Variants in IPP observed in about 807,000 individuals in gnomAD.
The protein encoded by IPP is actin-binding protein IPP.
Under a neutral mutation model 64.1 loss-of-function variants are expected in IPP, and 41 were observed. The ratio of observed to expected loss-of-function variants is 0.64; its 90% confidence interval spans 0.50 to 0.83. IPP has a LOEUF of 0.83. Among genes scored for constraint, IPP ranks in the 40% least tolerant of loss-of-function variants. The pLI is 0.00. For synonymous variants in IPP, 214 were observed against 235.2 expected (o/e 0.91, Z 0.83); for missense variants, 649 against 703.0 (o/e 0.92, Z 0.87).
chr1:45,738,894 T>A (rs558418794), intron 3 of IPP, among the ~76,000 whole-genome samples: 8 of 142,764 alleles, frequency 5.6e-5, no homozygotes, highest in African/African-American at 2.1e-4. Flanking sequence ...AAAACAAGGC[T>A]CTATTGACTA....
Position 45,700,165 on chromosome 1 carries a change from A to G in IPP, c.1556T>C (p.Met519Thr), listed in dbSNP as rs1335165719. 1.2e-5 allele frequency: 19 copies of G among 1,613,462 alleles called. No individual in the cohort carries two copies. Among genetic ancestry groups the G allele is most frequent in the Admixed American group, 1.7e-5 (1 of 59,862 alleles). ...EEEKWVEVAS[M>T]KVPRAGMCVV... ...ACACATGCCTGCTCTAGGCACTTTC[A>G]TTGAGGCAACTTCAACCCACTTTTC... The change falls in exon 9 of 9, where the codon ATG becomes ACG. Residue 519 changes from methionine (M) to threonine (T), a missense_variant. By Grantham distance (81) the Met-to-Thr change is moderately conservative. Transcript: ENST00000396478.
chr1:45,695,746 C>T (rs575686073), downstream of IPP, among the ~76,000 whole-genome samples: 28 of 152,004 alleles, frequency 1.8e-4, no homozygotes, highest in East Asian at 4.3e-3. Context: ...CTCGGCTCAC[C>T]GCAACCTCCG....
At chr1:45,725,571 AC>A (rs1464282990) in intron 5 of IPP, among the ~76,000 whole-genome samples, 12 of 132,866 alleles carry the variant, frequency 9.0e-5, no homozygotes, top group African/African-American at 3.0e-4. Flanking sequence ...CCCGGCCACG[AC>A]CCCGTCTGGG....
At chr1:45,737,820 C>T (rs1425582401) in intron 3 of IPP, among the ~76,000 whole-genome samples, 1 of 152,110 alleles carries the variant, frequency 6.6e-6, no homozygotes, top group Non-Finnish European at 1.5e-5. Context: ...CACTGTAACA[C>T]AATGCCTAGG....
At chr1:45,708,519 T>C (rs1272650770) in intron 8 of IPP, among the ~76,000 whole-genome samples, 1 of 135,528 alleles carries the variant, frequency 7.4e-6, no homozygotes, top group Non-Finnish European at 1.6e-5. Context: ...TCTTTAGGAA[T>C]AACACAAAAA....
intron 8 of IPP, among the ~76,000 whole-genome samples, chr1:45,706,657 GC>G (rs1274625306): frequency 6.6e-6 from 1 of 152,158 alleles, no homozygotes; most frequent in East Asian, 1.9e-4. Context: ...CACCATGTTG[GC>G]CAGGCTGATC....
At chr1:45,732,607 CAAA>C (rs1486125545) in intron 3 of IPP, among the ~76,000 whole-genome samples, 1 of 151,872 alleles carries the variant, frequency 6.6e-6, no homozygotes, top group Non-Finnish European at 1.5e-5. Context: ...ATATGAATGA[CAAA>C]GAAGTTCCAA....
intron 3 of IPP, among the ~76,000 whole-genome samples, chr1:45,738,850 A>AAACAAAAAAAAAAAAAAAAAAAAAAAAC (rs768638228): frequency 7.2e-6 from 1 of 139,130 alleles, no homozygotes; most frequent in Non-Finnish European, 1.5e-5. Context: ...AAAAAAAAAA[A>AAACAAAAAAAAAAAAAAAAAAAAAAAAC]AAAAAAAAAA....
Position 45,699,508 on chromosome 1 carries a change from A to G in IPP, c.*458T>C. On this transcript the variant is annotated 3_prime_UTR_variant, in exon 9 of 9. Transcript: ENST00000396478. ...TAGTAAATAATTTCTACAAATTTGT[A>G]AAATAGGAGTTGTCTACACTTAAAC... 18 of 988,036 alleles carry G rather than the reference A, an allele frequency of 1.8e-5. No homozygotes were observed. Among genetic ancestry groups the G allele is most frequent in the Non-Finnish European group, 2.0e-5 (17 of 831,506 alleles). The allele number at this position is 988,036 out of a possible 1,614,324, so 61.2% of individuals were successfully genotyped here.
rs1397351932 is a variant in IPP at position 45,727,773 on chromosome 1, A to AC, written c.905dup (p.Arg303SerfsTer4). The AC allele has an allele frequency of 3.8e-6, 6 of 1,564,982 alleles. No homozygotes were observed. The highest frequency in any genetic ancestry group is 2.3e-5 in the East Asian group (1 of 44,158). ...TGAGGGCTCTGCTATCACTCCAGCGACCCCCCTGCAACCGAGTATATCCAC... is the reference window on the plus strand; with the variant it reads ...TGAGGGCTCTGCTATCACTCCAGCGACCCCCCCTGCAACCGAGTATATCCAC... On this transcript the variant is annotated frameshift_variant, in exon 5 of 9. Coordinates refer to ENST00000396478, the MANE Select transcript of IPP (RefSeq NM_005897.3). LOFTEE classifies it high-confidence loss of function.
chr1:45,721,262 C>A (rs888922219), intron 5 of IPP, among the ~76,000 whole-genome samples: 2 of 152,146 alleles, frequency 1.3e-5, no homozygotes, highest in South Asian at 2.1e-4. Context: ...CAAAATTTTC[C>A]CAAAATGGTA....
chr1:45,750,491 A>G (rs1352820061), intron 1 of IPP, 106 bp downstream of exon 1: 1 of 152,478 alleles, frequency 6.6e-6, no homozygotes, highest in East Asian at 1.9e-4. Context: ...ACACAGTTCT[A>G]GAGGCTTCTC....
At chr1:45,707,678 A>G (rs1645529574) in intron 8 of IPP, among the ~76,000 whole-genome samples, 1 of 152,190 alleles carries the variant, frequency 6.6e-6, no homozygotes, top group Admixed American at 6.6e-5. Context: ...ACTGAAGCAT[A>G]GAGAGAAAAG....
chr1:45,740,304 T>C (rs1240037468), intron 3 of IPP, among the ~76,000 whole-genome samples: 2 of 152,210 alleles, frequency 1.3e-5, no homozygotes, highest in Non-Finnish European at 2.9e-5. Flanking sequence ...AAACCGCCAT[T>C]GTCATCATGG....
intron 6 of IPP, among the ~76,000 whole-genome samples, chr1:45,718,907 A>C (rs1569985753): frequency 1.3e-5 from 2 of 151,926 alleles, no homozygotes. Context: ...GAATACAAAA[A>C]AAAAAAAAAA....
At chr1:45,706,377 G>A (rs1200923756) in intron 8 of IPP, among the ~76,000 whole-genome samples, 1 of 152,100 alleles carries the variant, frequency 6.6e-6, no homozygotes, top group African/African-American at 2.4e-5. Context: ...AAATTGGGAG[G>A]ATTACTTAAG....
intron 3 of IPP, 37 bp from the exon 4 acceptor site, chr1:45,729,806 T>G: frequency 7.9e-7 from 1 of 1,259,752 alleles, no homozygotes; most frequent in Non-Finnish European, 1.1e-6. Context: ...TTTTAAACAA[T>G]TTTTAAATAA....
chr1:45,734,596 A>G (rs1570028222), intron 3 of IPP, among the ~76,000 whole-genome samples: 2 of 152,118 alleles, frequency 1.3e-5, no homozygotes, highest in African/African-American at 2.4e-5. Flanking sequence ...AGGCACCACC[A>G]TGCCAGGGTA....
chr1:45,750,445 G>A lies in IPP; in HGVS notation c.-51+152C>T, dbSNP rs184188777. Among the ~76,000 whole-genome samples the A allele has an allele frequency of 1.8e-3, 281 of 152,338 alleles. 1 individual carries two copies. The highest frequency in any genetic ancestry group is 3.3e-3 in the Non-Finnish European group (225 of 68,034). On this transcript the variant is annotated intron_variant, in intron 1 of 8. Coordinates refer to ENST00000396478, the MANE Select transcript of IPP (RefSeq NM_005897.3). ...GAGGGCGACACTTAGACTGTCGGAG[G>A]AAGGCCTGCGGCGGCAGAAGGAAAG...
Sources: gnomAD v4.1 joint callset for allele counts (sites outside exome capture counted in the v4.1 genomes callset) on GRCh38, gnomAD v4.1.1 for gene constraint, MANE v1.5 for transcripts, NCBI Gene and HGNC (gene_info 2026-07-23, HGNC 2026-07-21) for gene names.